NAV3: variants seen among roughly 807,000 people sequenced by gnomAD.
The protein encoded by NAV3 is neuron navigator 3, also known as pore membrane and/or filament interacting like protein 1.
Under a neutral mutation model 244.7 loss-of-function variants are expected in NAV3, and 87 were observed. The ratio of observed to expected loss-of-function variants is 0.36; its 90% CI spans 0.30 to 0.42. The LOEUF is 0.42. Ranked by LOEUF, NAV3 falls within the 20% of genes least tolerant of loss-of-function variation. NAV3 has a pLI of 1.00. For synonymous variants in NAV3, 1,126 were observed against 1,042.2 expected, an observed-to-expected ratio of 1.08 and a Z score of -1.55; for missense variants, 2,663 against 2,893.3, an observed-to-expected ratio of 0.92 and a Z score of 1.83.
At chr12:77,886,250 T>C (rs1003005886) in intron 1 of NAV3, among the ~76,000 whole-genome samples, 2 of 152,164 alleles carry the variant, frequency 1.3e-5, no homozygotes, top group Admixed American at 6.6e-5. Flanking sequence ...TACAGCCTCA[T>C]TTCTCCGCTC....
At chr12:78,033,694 C>T (rs1420789357) in intron 9 of NAV3, among the ~76,000 whole-genome samples, 2 of 152,114 alleles carry the variant, frequency 1.3e-5, no homozygotes, top group African/African-American at 4.8e-5. Flanking sequence ...GAGACAGAAA[C>T]CCCCTTTTGA....
At chr12:78,148,654 A>G (rs1399462947) in intron 21 of NAV3, among the ~76,000 whole-genome samples, 188 bp from the exon 22 acceptor site, 22 of 152,082 alleles carry the variant, frequency 1.4e-4, no homozygotes, top group Admixed American at 1.4e-3. Context: ...GACACATAAC[A>G]CTTTGCTTTT....
intron 2 of NAV3, among the ~76,000 whole-genome samples, chr12:77,614,498 T>A (rs1417284393): frequency 6.6e-6 from 1 of 152,192 alleles, no homozygotes; most frequent in Non-Finnish European, 1.5e-5. Flanking sequence ...TAGTATGTAA[T>A]ATATTTTAAA....
intron 3 of NAV3, among the ~76,000 whole-genome samples, chr12:77,945,835 C>T (rs147515082): frequency 2.3e-3 from 349 of 151,918 alleles, no homozygotes; most frequent in African/African-American, 7.6e-3. Flanking sequence ...GCAACCTCCA[C>T]CTCCCGAGTT....
chr12:78,159,168 A>G, intron 22 of NAV3, 35 bp from the exon 23 acceptor site: 1 of 1,573,406 alleles, frequency 6.4e-7, no homozygotes, highest in Non-Finnish European at 8.7e-7. Flanking sequence ...TAAGATTCTG[A>G]CATTTAAACT....
chr12:77,858,632 G>C (rs749376195), intron 1 of NAV3, among the ~76,000 whole-genome samples: 3 of 152,018 alleles, frequency 2.0e-5, no homozygotes, highest in Non-Finnish European at 4.4e-5. Context: ...TCCAGAACTA[G>C]GGGAGCCTCT....
At chr12:78,146,800 A>G (rs1956882232) in intron 21 of NAV3, among the ~76,000 whole-genome samples, 1 of 152,024 alleles carries the variant, frequency 6.6e-6, no homozygotes, top group Non-Finnish European at 1.5e-5. Context: ...AGCATCTCAG[A>G]CTATCTGTTT....
intron 2 of NAV3, among the ~76,000 whole-genome samples, chr12:77,751,041 T>A (rs1868826707): frequency 6.6e-6 from 1 of 152,192 alleles, no homozygotes; most frequent in East Asian, 1.9e-4. Context: ...ATTAACGAGT[T>A]GGGCTAAAGG....
chr12:77,951,344 G>T (rs957346111), intron 3 of NAV3, among the ~76,000 whole-genome samples: 2 of 152,160 alleles, frequency 1.3e-5, no homozygotes, highest in African/African-American at 2.4e-5. Flanking sequence ...GGCCATCAGA[G>T]AAATGCAAAC....
At chr12:77,902,215 G>A (rs60430160) in intron 1 of NAV3, among the ~76,000 whole-genome samples, 10 of 152,196 alleles carry the variant, frequency 6.6e-5, no homozygotes, top group Admixed American at 1.3e-4. Context: ...CTACTTTGCC[G>A]GAAATTGGTT....
At chr12:77,963,382 A>AT (rs1169536482) in intron 3 of NAV3, among the ~76,000 whole-genome samples, 3 of 152,198 alleles carry the variant, frequency 2.0e-5, no homozygotes, top group African/African-American at 7.2e-5. Context: ...TATAAATGGC[A>AT]TTTAACAAGA....
chr12:77,661,765 T>C (rs188399019), intron 2 of NAV3, among the ~76,000 whole-genome samples: 1 of 152,198 alleles, frequency 6.6e-6, no homozygotes, highest in Admixed American at 6.5e-5. Flanking sequence ...CATACAGCTA[T>C]CCAATCATCC....
At chr12:77,982,744 G>T (rs2448226) in intron 5 of NAV3, among the ~76,000 whole-genome samples, 81,499 of 152,022 alleles carry the variant, frequency 0.54, 22,655 homozygotes, top group East Asian at 0.72. Context: ...GTCCAGGGCA[G>T]GCAATGGAGA....
chr12:78,061,687 C>T (rs1034880253), intron 12 of NAV3, among the ~76,000 whole-genome samples: 2 of 151,926 alleles, frequency 1.3e-5, no homozygotes, highest in African/African-American at 4.8e-5. Context: ...TTGTATGACT[C>T]TTTCAGTTAA....
chr12:77,807,583 A>C (rs565998837), intron 2 of NAV3, among the ~76,000 whole-genome samples: 1 of 152,300 alleles, frequency 6.6e-6, no homozygotes, highest in East Asian at 1.9e-4. Context: ...GGGTAACCCA[A>C]CCTTTCTCTC....
chr12:77,691,817 C>T (rs1047297977), intron 2 of NAV3, among the ~76,000 whole-genome samples: 8 of 151,906 alleles, frequency 5.3e-5, no homozygotes, highest in East Asian at 1.9e-4. Context: ...ACTTGTCCAA[C>T]GTTACACAGC....
At position 78,168,940 on chromosome 12, in the gene NAV3, G is replaced by C. The variant is rs953891177; in HGVS notation, c.4981+74G>C. ...TTTATTTATTAATTACAGTAGAACT[G>C]CATTTACTCAGTGTCACTGTGCATT... On this transcript the variant is annotated intron_variant, in intron 24 of 39. Coordinates refer to ENST00000397909, the MANE Select transcript of NAV3 (RefSeq NM_001024383.2). 7 of 970,508 alleles carry C rather than the reference G, an allele frequency of 7.2e-6. No homozygotes were observed. The African/African-American group carries it at 9.9e-5, about 14-fold the overall frequency. The allele number at this position is 970,508 out of a possible 1,614,324, so 60.1% of individuals were successfully genotyped here. A position where few individuals can be genotyped will look rare whatever the true frequency, so the allele number is the denominator to read the frequency against.
intron 2 of NAV3, among the ~76,000 whole-genome samples, chr12:77,773,294 G>C (rs533822038): frequency 6.6e-5 from 10 of 151,626 alleles, no homozygotes; most frequent in African/African-American, 2.4e-4. Context: ...AATGATTGTA[G>C]ACAAAAGCAA....
intron 9 of NAV3, among the ~76,000 whole-genome samples, chr12:78,024,097 A>G (rs1877600263): frequency 6.6e-6 from 1 of 152,104 alleles, no homozygotes; most frequent in Non-Finnish European, 1.5e-5. Context: ...AGGATTTCCA[A>G]TTCATTGATC....
Sources: gnomAD v4.1 joint callset for allele counts (sites outside exome capture counted in the v4.1 genomes callset) on GRCh38, gnomAD v4.1.1 for gene constraint, MANE v1.5 for transcripts, NCBI Gene and HGNC (gene_info 2026-07-23, HGNC 2026-07-21) for gene names.